The following MAD1L1 variants were observed in gnomAD, a reference collection of about 807,000 sequenced individuals.
MAD1L1 encodes the protein mitotic arrest deficient 1 like 1.
A neutral mutation model predicts 96.9 loss-of-function variants in MAD1L1; 95 were observed. That is an observed-to-expected ratio of 0.98 (90% CI 0.83 to 1.16). The LOEUF (loss-of-function observed/expected upper bound fraction) is 1.16, where lower values mean the gene tolerates loss of function less well. Ranked by LOEUF, MAD1L1 falls within the 50% of genes most tolerant of loss-of-function variation. MAD1L1 has a pLI of 0.00. For missense variants in MAD1L1, 1,007 were observed against 954.4 expected (o/e 1.06, Z -0.73); for synonymous variants, 473 against 396.6 (o/e 1.19, Z -2.29).
rs554922195 is a variant in MAD1L1 at position 1,883,390 on chromosome 7, C to G, written c.1998+14810G>C. On this transcript the variant is annotated intron_variant, in intron 18 of 18. Transcript: ENST00000265854. ...ACTCACAAACGGCCCCGGGGATGAG[C>G]TCCCTTTCCAGAGGCAGCAGTCTCT... 3.8e-4 allele frequency among the ~76,000 whole-genome samples: 58 copies of G among 152,338 alleles called. 1 individual carries two copies. The highest frequency in any genetic ancestry group is 1.4e-3 in the African/African-American group (58 of 41,574).
chr7:2,065,511 G>A (rs901830591), intron 12 of MAD1L1, among the ~76,000 whole-genome samples: 2 of 152,356 alleles, frequency 1.3e-5, no homozygotes, highest in Admixed American at 6.5e-5. Flanking sequence ...GGACGTGGGA[G>A]AGGGGAATGT....
At chr7:1,840,511 C>T (rs897609761) in intron 18 of MAD1L1, among the ~76,000 whole-genome samples, 1 of 152,196 alleles carries the variant, frequency 6.6e-6, no homozygotes, top group African/African-American at 2.4e-5. Context: ...AGATGGATCA[C>T]CTGAGCTCAG....
intron 11 of MAD1L1, among the ~76,000 whole-genome samples, chr7:2,120,782 G>T (rs977191520): frequency 6.6e-6 from 1 of 152,242 alleles, no homozygotes; most frequent in Admixed American, 6.5e-5. Context: ...GAGGCAGCCT[G>T]CGAGCCCCCA....
At chr7:2,040,075 G>T (rs573500685) in intron 12 of MAD1L1, among the ~76,000 whole-genome samples, 1 of 152,312 alleles carries the variant, frequency 6.6e-6, no homozygotes, top group Non-Finnish European at 1.5e-5. Context: ...AGTTGGGAGT[G>T]AAAGAGACAC....
rs116693124 is a variant in MAD1L1, at chr7:2,031,601, T to C, written c.1219-16959A>G. Among the ~76,000 whole-genome samples, 314 of 152,340 alleles carry C rather than the reference T, an allele frequency of 2.1e-3. 1 individual carries two copies. Among genetic ancestry groups the C allele is most frequent in the African/African-American group, 7.0e-3 (293 of 41,580 alleles). On this transcript the variant is annotated intron_variant, in intron 12 of 18. Coordinates refer to ENST00000265854, the MANE Select transcript of MAD1L1 (RefSeq NM_001013836.2). ...CCTTGTTACAGCAGCTGCTCACACCTGCGCTATGACGACGTGGGTGCCGTG... is the reference window on the plus strand; with the variant it reads ...CCTTGTTACAGCAGCTGCTCACACCCGCGCTATGACGACGTGGGTGCCGTG...
At chr7:1,852,070 C>T (rs1225459996) in intron 18 of MAD1L1, among the ~76,000 whole-genome samples, 1 of 152,210 alleles carries the variant, frequency 6.6e-6, no homozygotes, top group African/African-American at 2.4e-5. Context: ...AATCTGTTGG[C>T]CTGGGGAGGG....
intron 11 of MAD1L1, among the ~76,000 whole-genome samples, chr7:2,091,961 G>A (rs1242820961): frequency 1.3e-5 from 2 of 152,162 alleles, no homozygotes; most frequent in East Asian, 1.9e-4. Context: ...GCACATTCAG[G>A]TCTCTGTGTG....
chr7:1,906,213 T>C (rs948750055), intron 17 of MAD1L1, among the ~76,000 whole-genome samples: 1 of 152,160 alleles, frequency 6.6e-6, no homozygotes, highest in Non-Finnish European at 1.5e-5. Flanking sequence ...CTGGTGCTTC[T>C]GTAGGGTCCC....
chr7:2,108,936 G>A (rs1026402602), intron 11 of MAD1L1, among the ~76,000 whole-genome samples: 5 of 152,228 alleles, frequency 3.3e-5, no homozygotes, highest in Non-Finnish European at 5.9e-5. Context: ...CAGGGCCCCC[G>A]CGAGGGCTCG....
chr7:2,014,090 G>A (rs1782421501), intron 13 of MAD1L1, among the ~76,000 whole-genome samples: 1 of 152,188 alleles, frequency 6.6e-6, no homozygotes, highest in Non-Finnish European at 1.5e-5. Flanking sequence ...GGCCCCAGCA[G>A]AGCCTCCCCA....
At chr7:1,877,117 A>G (rs1423102402) in intron 18 of MAD1L1, among the ~76,000 whole-genome samples, 2 of 151,966 alleles carry the variant, frequency 1.3e-5, no homozygotes, top group East Asian at 1.9e-4. Context: ...ATGGAAAAAT[A>G]CTTTTAAAAT....
intron 16 of MAD1L1, among the ~76,000 whole-genome samples, chr7:1,953,251 A>T (rs1779580857): frequency 6.6e-6 from 1 of 152,200 alleles, no homozygotes; most frequent in Non-Finnish European, 1.5e-5. Flanking sequence ...GCTTCTGCTC[A>T]CAGGGAACCC....
intron 11 of MAD1L1, among the ~76,000 whole-genome samples, chr7:2,091,636 C>T (rs907976646): frequency 2.0e-5 from 3 of 152,122 alleles, no homozygotes; most frequent in African/African-American, 7.2e-5. Context: ...ATTAGCCGGG[C>T]TTAGTGGTGG....
rs1484210117 is a variant in MAD1L1 at position 2,001,842 on chromosome 7, G to A, written c.1416+223C>T. ...GCCCCCTGCCACAAACACGGTGGTG[G>A]GGCCCGAGGGGCTGTGCTCCCCGCC... On this transcript the variant is annotated intron_variant, in intron 14 of 18. Coordinates refer to ENST00000265854, the MANE Select transcript of MAD1L1 (RefSeq NM_001013836.2). 3.3e-5 allele frequency among the ~76,000 whole-genome samples: 5 copies of A among 152,330 alleles called. No homozygotes were observed. In the East Asian group the frequency reaches 9.6e-4, roughly 29 times the overall value.
chr7:2,068,704 G>A (rs986028525), intron 12 of MAD1L1, among the ~76,000 whole-genome samples: 9 of 152,158 alleles, frequency 5.9e-5, no homozygotes, highest in African/African-American at 1.4e-4. Context: ...CTCTGCTCAC[G>A]GTGCCAGGCA....
chr7:2,210,262 G>T (rs866521149), intron 10 of MAD1L1, among the ~76,000 whole-genome samples: 1 of 152,092 alleles, frequency 6.6e-6, no homozygotes, highest in South Asian at 2.1e-4. Flanking sequence ...TACACACGGG[G>T]TCTCAACTGC....
chr7:2,130,329 C>T (rs1005071806), intron 11 of MAD1L1, among the ~76,000 whole-genome samples: 1 of 152,226 alleles, frequency 6.6e-6, no homozygotes, highest in African/African-American at 2.4e-5. Flanking sequence ...AGGCCAAGTC[C>T]CCAAGCCCAG....
intron 7 of MAD1L1, among the ~76,000 whole-genome samples, chr7:2,217,318 G>C (rs1793342451): frequency 6.6e-6 from 1 of 152,200 alleles, no homozygotes; most frequent in Admixed American, 6.5e-5. Flanking sequence ...CCATCGCCCT[G>C]CCAGCCAGAA....
chr7:1,904,212 C>T (rs1275422994), intron 17 of MAD1L1, among the ~76,000 whole-genome samples: 2 of 144,846 alleles, frequency 1.4e-5, no homozygotes, highest in Non-Finnish European at 3.0e-5. Context: ...GCAGCGAGCA[C>T]GCAGTGGCCT....
Sources: allele counts gnomAD v4.1 joint callset (sites outside exome capture counted in the v4.1 genomes callset), GRCh38; gene constraint gnomAD v4.1.1; transcripts MANE v1.5; gene names NCBI Gene and HGNC (gene_info 2026-07-23, HGNC 2026-07-21).